The following PARVA variants were observed in gnomAD, a reference collection of about 807,000 sequenced individuals.
The protein encoded by PARVA is parvin alpha.
A neutral mutation model predicts 52.6 loss-of-function variants in PARVA; 25 were observed. The ratio of observed to expected loss-of-function variants is 0.48; its 90% confidence interval spans 0.35 to 0.66. The LOEUF is 0.66. PARVA is among the 30% of genes least tolerant of loss of function. The pLI, the probability that PARVA is intolerant of heterozygous loss-of-function variation, is 0.01. For synonymous variants in PARVA, 185 were observed against 179.1 expected (o/e 1.03, Z -0.26); for missense variants, 373 against 450.9 (o/e 0.83, Z 1.56).
intron 1 of PARVA, among the ~76,000 whole-genome samples, chr11:12,387,245 T>C (rs1939585571): frequency 6.6e-6 from 1 of 152,226 alleles, no homozygotes; most frequent in African/African-American, 2.4e-5. Context: ...GGAAATCCAA[T>C]GAGGGCTTTG....
chr11:12,417,151 C>A (rs1040748068), intron 1 of PARVA, among the ~76,000 whole-genome samples: 2 of 152,168 alleles, frequency 1.3e-5, no homozygotes, highest in Non-Finnish European at 2.9e-5. Context: ...ATTACAAAAA[C>A]ATTTTGATCC....
At chr11:12,471,620 G>A (rs1436578973) in intron 1 of PARVA, among the ~76,000 whole-genome samples, 7 of 152,126 alleles carry the variant, frequency 4.6e-5, no homozygotes, top group African/African-American at 1.7e-4. Context: ...ACCAAATATG[G>A]CATGTCCTCA....
chr11:12,497,849 A>C (rs185371503), intron 5 of PARVA, among the ~76,000 whole-genome samples: 3 of 152,288 alleles, frequency 2.0e-5, no homozygotes, highest in Admixed American at 2.0e-4. Flanking sequence ...AATCCACAAT[A>C]GTCATAAACA....
chr11:12,379,128 G>A (rs1268744200), intron 1 of PARVA, among the ~76,000 whole-genome samples: 1 of 152,184 alleles, frequency 6.6e-6, no homozygotes. Flanking sequence ...TGGCGCTGCT[G>A]GGAGTGTATC....
At chr11:12,488,624 G>A (rs569512104) in intron 4 of PARVA, among the ~76,000 whole-genome samples, 3 of 152,172 alleles carry the variant, frequency 2.0e-5, no homozygotes, top group Non-Finnish European at 4.4e-5. Context: ...TACAAAATTT[G>A]TCCCACAGAA....
intron 1 of PARVA, chr11:12,452,824 T>G (rs187889130): frequency 8.8e-5 from 24 of 274,186 alleles, no homozygotes; most frequent in African/African-American, 5.2e-4. Context: ...GCCACTTGTT[T>G]GCAACTGACG....
At position 12,518,453 on chromosome 11, in the gene PARVA, T is replaced by C. The variant is rs565684776; in HGVS notation, c.978T>C (p.Asn326=). 4 of 1,613,602 alleles carry C rather than the reference T, an allele frequency of 2.5e-6. No individual in the cohort carries two copies. The African/African-American group carries it at 5.3e-5, about 22-fold the overall frequency. Reference sequence around the variant, plus strand: ...TGCATCTCTCTTGCCAGGTCTTGAATGTCTCCTTTGCCTTTGAGCTCATGC... The same window carrying C: ...TGCATCTCTCTTGCCAGGTCTTGAACGTCTCCTTTGCCTTTGAGCTCATGC... ...TPDSFEQKVL[N]VSFAFELMQD... The change falls in exon 12 of 13, where the codon AAT becomes AAC. Residue 326 remains asparagine, a synonymous_variant. Coordinates refer to ENST00000334956, the MANE Select transcript of PARVA (RefSeq NM_018222.5).
chr11:12,404,838 C>T (rs1939878993), intron 1 of PARVA, among the ~76,000 whole-genome samples: 1 of 152,142 alleles, frequency 6.6e-6, no homozygotes, highest in Non-Finnish European at 1.5e-5. Flanking sequence ...AGCTTAATGA[C>T]CCATTGTCTG....
chr11:12,398,933 A>G (rs545745699), intron 1 of PARVA, among the ~76,000 whole-genome samples: 1 of 152,218 alleles, frequency 6.6e-6, no homozygotes, highest in African/African-American at 2.4e-5. Context: ...GTGTTCCATC[A>G]CTTTGTATTT....
intron 1 of PARVA, among the ~76,000 whole-genome samples, chr11:12,419,322 G>A (rs1203359005): frequency 1.3e-5 from 2 of 148,190 alleles, no homozygotes; most frequent in South Asian, 2.1e-4. Context: ...TTTATGTCTC[G>A]ATGAATCTGA....
At position 12,508,574 on chromosome 11, in the gene PARVA, C is replaced by A. The variant is rs1421268896; in HGVS notation, c.658-10C>A. The A allele has an allele frequency of 1.2e-6, 2 of 1,605,286 alleles. No individual in the cohort carries two copies. Among genetic ancestry groups the A allele is most frequent in the African/African-American group, 2.7e-5 (2 of 74,530 alleles). ...TCTCCTCCCAACCCCTTTCCCCACC[C>A]CCATTTCAGAAACGAGAAGGAATCC... On this transcript the variant is annotated splice_polypyrimidine_tract_variant and intron_variant, in intron 6 of 12. Transcript: ENST00000334956.
In PARVA at chr11:12,529,396, T is replaced by TA. The variant is rs1323834833; in HGVS notation, c.*1472dup. The TA allele has an allele frequency of 6.6e-6, 1 of 152,186 alleles. No homozygotes were observed. Among genetic ancestry groups the TA allele is most frequent in the Non-Finnish European group, 1.5e-5 (1 of 68,032 alleles). 9.4% of individuals were successfully genotyped at this position (152,186 alleles called of 1,614,324 possible). On this transcript the variant is annotated 3_prime_UTR_variant, in exon 13 of 13. Transcript: ENST00000334956. ...TATTTGCACTCTAAACATACAGAGA[T>TA]AGAGGTGGGGCTTGTGGTACTTAAC...
rs140030566 is a variant in PARVA at position 12,475,314 on chromosome 11, G to A, written c.297+1331G>A. ...CAGGAAGCTTGCTCTAAACTCTAGTGCCATGGCTCAACCACTCCACGGCTG... is the reference window on the plus strand; with the variant it reads ...CAGGAAGCTTGCTCTAAACTCTAGTACCATGGCTCAACCACTCCACGGCTG... On this transcript the variant is annotated intron_variant, in intron 3 of 12. Transcript: ENST00000334956. 9.5e-3 allele frequency among the ~76,000 whole-genome samples: 1,453 copies of A among 152,304 alleles called. 11 individuals are homozygous for A. The highest frequency in any genetic ancestry group is 0.014 in the Non-Finnish European group (926 of 68,036).
chr11:12,497,209 C>T (rs1329643608), intron 5 of PARVA, among the ~76,000 whole-genome samples: 1 of 152,018 alleles, frequency 6.6e-6, no homozygotes, highest in African/African-American at 2.4e-5. Flanking sequence ...GCTCCAAAGG[C>T]CCGGTGTCTA....
At chr11:12,390,333 T>C (rs1939639638) in intron 1 of PARVA, among the ~76,000 whole-genome samples, 1 of 152,204 alleles carries the variant, frequency 6.6e-6, no homozygotes, top group Admixed American at 6.5e-5. Context: ...AGGAGGGGTC[T>C]GTAGTTCTAA....
chr11:12,412,867 C>G (rs1287867372), intron 1 of PARVA, among the ~76,000 whole-genome samples: 1 of 152,142 alleles, frequency 6.6e-6, no homozygotes, highest in Non-Finnish European at 1.5e-5. Flanking sequence ...TTCCTAAGGC[C>G]AAAAGTATCA....
At chr11:12,402,579 G>A (rs1031636166) in intron 1 of PARVA, among the ~76,000 whole-genome samples, 2 of 152,130 alleles carry the variant, frequency 1.3e-5, no homozygotes, top group African/African-American at 4.8e-5. Context: ...AGCTTTTTCT[G>A]TCTTGGTAAA....
chr11:12,501,106 C>CAAAA lies in PARVA; in HGVS notation c.542-3198_542-3195dup, dbSNP rs112564187. ...CTGGGCGACGAGCAAAAATCCATCTCAAAAAAAAAAAAACAATCTTTCCAC... is the reference window on the plus strand; with the variant it reads ...CTGGGCGACGAGCAAAAATCCATCTCAAAAAAAAAAAAAAAAACAATCTTTCCAC... On this transcript the variant is annotated intron_variant, in intron 5 of 12. Coordinates refer to ENST00000334956, the MANE Select transcript of PARVA (RefSeq NM_018222.5). Among the ~76,000 whole-genome samples the CAAAA allele has an allele frequency of 7.6e-4, 101 of 132,612 alleles. 1 individual carries two copies. The highest frequency in any genetic ancestry group is 2.6e-3 in the African/African-American group (96 of 36,494). 87.0% of individuals were successfully genotyped at this position (132,612 alleles called of 152,430 possible). A position where few individuals can be genotyped will look rare whatever the true frequency, so the allele number is the denominator to read the frequency against.
At chr11:12,398,838 A>G (rs1429213410) in intron 1 of PARVA, among the ~76,000 whole-genome samples, 1 of 152,164 alleles carries the variant, frequency 6.6e-6, no homozygotes, top group Non-Finnish European at 1.5e-5. Flanking sequence ...TGCAAATAAG[A>G]CATTGGAAGA....
Sources: gnomAD v4.1 joint callset for allele counts (sites outside exome capture counted in the v4.1 genomes callset) on GRCh38, gnomAD v4.1.1 for gene constraint, MANE v1.5 for transcripts, NCBI Gene and HGNC (gene_info 2026-07-23, HGNC 2026-07-21) for gene names.